ZSCAN30: variants seen among roughly 807,000 people sequenced by gnomAD.
ZSCAN30 encodes the protein zinc finger and SCAN domain-containing protein 30.
A neutral mutation model predicts 44.3 loss-of-function variants in ZSCAN30; 37 were observed. That is an observed-to-expected ratio of 0.84 (90% CI 0.64 to 1.10). ZSCAN30 has a LOEUF of 1.10. ZSCAN30 is among the 50% of genes least tolerant of loss of function. The pLI, the probability that ZSCAN30 is intolerant of heterozygous loss-of-function variation, is 0.00. For missense variants in ZSCAN30, 549 were observed against 582.6 expected (o/e 0.94, Z 0.59); for synonymous variants, 181 against 204.6 (o/e 0.88, Z 0.98).
Position 35,252,766 on chromosome 18 carries a change from A to G in ZSCAN30, c.*684T>C, listed in dbSNP as rs1450688110. The G allele has an allele frequency of 2.0e-5, 3 of 152,198 alleles. No individual in the cohort carries two copies. The highest frequency in any genetic ancestry group is 7.2e-5 in the African/African-American group (3 of 41,432). The allele number at this position is 152,198 out of a possible 1,614,324, so 9.4% of individuals were successfully genotyped here. On this transcript the variant is annotated 3_prime_UTR_variant, in exon 4 of 4. Transcript: ENST00000333206. ...TGTAATTACTGTTTAGTATATATGC[A>G]TATCCTATTAGCCCTTAACTCTGGG...
chr18:35,279,681 C>T (rs1385708406), intron 1 of ZSCAN30, among the ~76,000 whole-genome samples: 1 of 152,178 alleles, frequency 6.6e-6, no homozygotes, highest in South Asian at 2.1e-4. Flanking sequence ...TCACTGTGTC[C>T]TCATACGGCA....
At chr18:35,282,550 T>C (rs980428785) in intron 1 of ZSCAN30, 3 of 152,186 alleles carry the variant, frequency 2.0e-5, no homozygotes, top group Non-Finnish European at 4.4e-5. Context: ...TTTTGGGAGA[T>C]GTGTAATGTG....
intron 1 of ZSCAN30, among the ~76,000 whole-genome samples, chr18:35,287,889 T>C (rs911414712): frequency 1.3e-5 from 2 of 151,712 alleles, no homozygotes; most frequent in Non-Finnish European, 2.9e-5. Context: ...TTTTTTTTTT[T>C]TGCAACAGGG....
At chr18:35,287,724 C>A (rs1304892078) in intron 1 of ZSCAN30, among the ~76,000 whole-genome samples, 1 of 151,980 alleles carries the variant, frequency 6.6e-6, no homozygotes, top group South Asian at 2.1e-4. Flanking sequence ...GCAAAGATTT[C>A]TCAAATATCA....
intron 3 of ZSCAN30, chr18:35,259,588 C>A (rs912650695): frequency 6.5e-6 from 1 of 154,062 alleles, no homozygotes; most frequent in African/African-American, 2.4e-5. Flanking sequence ...TTAAGGCCAA[C>A]CCTAATGACC....
chr18:35,257,659 T>C (rs1342232951), intron 3 of ZSCAN30: 1 of 525,316 alleles, frequency 1.9e-6, no homozygotes, highest in Non-Finnish European at 3.4e-6. Context: ...GTTATAGCAG[T>C]CCTAACCGAT....
intron 3 of ZSCAN30, among the ~76,000 whole-genome samples, chr18:35,255,148 A>G (rs1314226066): frequency 2.6e-5 from 4 of 151,556 alleles, no homozygotes; most frequent in African/African-American, 9.7e-5. Context: ...ATTTATACCT[A>G]AAAACATGAC....
intron 1 of ZSCAN30, among the ~76,000 whole-genome samples, chr18:35,285,764 T>C (rs2044538828): frequency 1.3e-5 from 2 of 151,018 alleles, no homozygotes; most frequent in Admixed American, 1.3e-4. Flanking sequence ...TAAGAAATAT[T>C]ACAAATCAGA....
intron 1 of ZSCAN30, chr18:35,270,272 A>G (rs2044244565): frequency 6.6e-6 from 1 of 152,110 alleles, no homozygotes; most frequent in Non-Finnish European, 1.5e-5. Context: ...TTGCAATAAT[A>G]GATAAATTGA....
At chr18:35,272,319 C>T (rs376030334) in intron 1 of ZSCAN30, among the ~76,000 whole-genome samples, 12 of 151,460 alleles carry the variant, frequency 7.9e-5, no homozygotes, top group South Asian at 6.3e-4. Flanking sequence ...TGTGAGCCAC[C>T]GTGCCCGGCC....
chr18:35,280,755 A>G (rs2044442203), intron 1 of ZSCAN30: 1 of 152,218 alleles, frequency 6.6e-6, no homozygotes, highest in South Asian at 2.1e-4. Context: ...TTCACAACAA[A>G]CATGTTAATA....
intron 1 of ZSCAN30, chr18:35,269,959 T>G (rs1380415520): frequency 1.3e-5 from 2 of 152,200 alleles, no homozygotes; most frequent in Non-Finnish European, 2.9e-5. Flanking sequence ...CACTTTTTAA[T>G]GTAAGTACCC....
intron 1 of ZSCAN30, among the ~76,000 whole-genome samples, chr18:35,279,441 T>C (rs2044417795): frequency 6.6e-6 from 1 of 152,244 alleles, no homozygotes; most frequent in Admixed American, 6.5e-5. Flanking sequence ...ACACCAGGCA[T>C]TGGATTAAGG....
At chr18:35,271,931 G>GC (rs2044287447) in intron 1 of ZSCAN30, among the ~76,000 whole-genome samples, 2 of 152,006 alleles carry the variant, frequency 1.3e-5, no homozygotes, top group African/African-American at 4.8e-5. Context: ...GCGCTGGCCG[G>GC]CCGCTCCAAG....
At chr18:35,265,201 C>A (rs754388951) in intron 1 of ZSCAN30, among the ~76,000 whole-genome samples, 1 of 151,960 alleles carries the variant, frequency 6.6e-6, no homozygotes, top group African/African-American at 2.4e-5. Flanking sequence ...CATAAGTTGA[C>A]CAAAGACAGC....
At chr18:35,276,728 C>A (rs1281423382) in intron 1 of ZSCAN30, among the ~76,000 whole-genome samples, 1 of 152,228 alleles carries the variant, frequency 6.6e-6, no homozygotes, top group Non-Finnish European at 1.5e-5. Flanking sequence ...GGGGCAGAGT[C>A]CTCATGGAGA....
chr18:35,285,710 T>C (rs2044537569), intron 1 of ZSCAN30, among the ~76,000 whole-genome samples: 1 of 152,060 alleles, frequency 6.6e-6, no homozygotes, highest in Admixed American at 6.6e-5. Context: ...GCTAAGGCAG[T>C]ACTTAGGGGA....
intron 1 of ZSCAN30, among the ~76,000 whole-genome samples, chr18:35,275,940 T>G (rs1322284015): frequency 6.6e-6 from 1 of 152,242 alleles, no homozygotes; most frequent in African/African-American, 2.4e-5. Context: ...GCATATTTTG[T>G]CCTTTATTCT....
chr18:35,256,192 ACATTT>A (rs1487970535), intron 3 of ZSCAN30: 2 of 152,584 alleles, frequency 1.3e-5, no homozygotes, highest in East Asian at 3.8e-4. Flanking sequence ...GTTCAACTAT[ACATTT>A]ATTATTATAT....
Sources: allele counts gnomAD v4.1 joint callset (sites outside exome capture counted in the v4.1 genomes callset), GRCh38; gene constraint gnomAD v4.1.1; transcripts MANE v1.5; gene names NCBI Gene and HGNC (gene_info 2026-07-23, HGNC 2026-07-21).